The following MBD3L2 variants were observed in gnomAD, a reference collection of about 807,000 sequenced individuals.
MBD3L2 encodes the protein methyl-CpG binding domain protein 3 like 2.
For synonymous variants in MBD3L2, 20 were observed against 33.9 expected (o/e 0.59, Z 1.42); for missense variants, 71 against 84.0 (o/e 0.85, Z 0.60).
At position 7,051,691 on chromosome 19, in the gene MBD3L2, C is replaced by G. The variant is rs1386287743; in HGVS notation, c.*69C>G. On this transcript the variant is annotated 3_prime_UTR_variant, in exon 2 of 2. Transcript: ENST00000381393. ...CTCATTCCTACTCTGAATTGTCACA[C>G]TTTTCCCTTCCCCACCAGTTCTTTA... 3.5e-5 allele frequency: 25 copies of G among 711,606 alleles called. No individual in the cohort carries two copies. The highest frequency in any genetic ancestry group is 5.7e-5 in the Non-Finnish European group (22 of 383,718). The allele number at this position is 711,606 out of a possible 1,614,324, so 44.1% of individuals were successfully genotyped here.
Position 7,051,612 on chromosome 19 carries a change from C to T in MBD3L2, c.617C>T (p.Thr206Ile), listed in dbSNP as rs1237878345. The T allele has an allele frequency of 1.4e-6, 1 of 723,404 alleles. No homozygotes were observed. Among genetic ancestry groups the T allele is most frequent in the African/African-American group, 1.7e-5 (1 of 57,478 alleles). The allele number at this position is 723,404 out of a possible 1,614,324, so 44.8% of individuals were successfully genotyped here. A position where few individuals can be genotyped will look rare whatever the true frequency, so the allele number is the denominator to read the frequency against. Reference sequence around the variant, plus strand: ...CTGGCCAGGCGGGCAGAAATGCTGACAGGTGGATGAAGCTCAGTCTTGGGC... The same window carrying T: ...CTGGCCAGGCGGGCAGAAATGCTGATAGGTGGATGAAGCTCAGTCTTGGGC... The part of the protein sequence containing the change: ...DRLARRAEML[T>I]GG Residue 206 changes from threonine to isoleucine, a missense_variant, in exon 2 of 2, where the codon ACA (threonine) becomes ATA (isoleucine). Physicochemically the swap from Thr to Ile is moderately conservative, Grantham distance 89. Coordinates refer to ENST00000381393, the MANE Select transcript of MBD3L2 (RefSeq NM_144614.4).
chr19:7,051,626 T>G lies in MBD3L2; in HGVS notation c.*4T>G, dbSNP rs62123316. On this transcript the variant is annotated 3_prime_UTR_variant, in exon 2 of 2. Coordinates refer to ENST00000381393, the MANE Select transcript of MBD3L2 (RefSeq NM_144614.4). ...AGAAATGCTGACAGGTGGATGAAGCTCAGTCTTGGGCTTTCGGTCCCTTTC... is the reference window on the plus strand; with the variant it reads ...AGAAATGCTGACAGGTGGATGAAGCGCAGTCTTGGGCTTTCGGTCCCTTTC... 260,886 of 685,338 alleles carry G rather than the reference T, an allele frequency of 0.38. 57,064 individuals carry two copies. The highest frequency in any genetic ancestry group is 0.52 in the East Asian group (18,439 of 35,764). 42.5% of individuals were successfully genotyped at this position (685,338 alleles called of 1,614,324 possible).
rs139047734 is a variant in MBD3L2 at position 7,051,636 on chromosome 19, G to A, written c.*14G>A. 66 of 716,990 alleles carry A rather than the reference G, an allele frequency of 9.2e-5. 3 individuals are homozygous for A. Among genetic ancestry groups the A allele is most frequent in the African/African-American group, 9.1e-4 (52 of 57,048 alleles). 44.4% of individuals were successfully genotyped at this position (716,990 alleles called of 1,614,324 possible). Reference sequence around the variant, plus strand: ...ACAGGTGGATGAAGCTCAGTCTTGGGCTTTCGGTCCCTTTCTTTTAATGCC... The same window carrying A: ...ACAGGTGGATGAAGCTCAGTCTTGGACTTTCGGTCCCTTTCTTTTAATGCC... On this transcript the variant is annotated 3_prime_UTR_variant, in exon 2 of 2. Transcript: ENST00000381393.
At position 7,051,360 on chromosome 19, in the gene MBD3L2, CG is replaced by C. The variant is rs1568396757; in HGVS notation, c.367del (p.Ala123ProfsTer48). On this transcript the variant is annotated frameshift_variant, in exon 2 of 2. Coordinates refer to ENST00000381393, the MANE Select transcript of MBD3L2 (RefSeq NM_144614.4). LOFTEE classifies it low-confidence loss of function (END_TRUNC). Reference protein sequence around the residue: ...ESVLSILAPGTAGESLDRAGA... With the variant: ...ESVLSILAPGXAGESLDRAGA... ...GTCTTAAGTATCCTTGCACCGGGGA[CG>C]GCCGGTGAATCTCTGGACAGAGCTG... The C allele has an allele frequency of 3.2e-6, 2 of 633,278 alleles. No individual in the cohort carries two copies. The highest frequency in any genetic ancestry group is 5.6e-5 in the East Asian group (2 of 35,790). 39.2% of individuals were successfully genotyped at this position (633,278 alleles called of 1,614,324 possible). A position where few individuals can be genotyped will look rare whatever the true frequency, so the allele number is the denominator to read the frequency against.
At position 7,051,685 on chromosome 19, in the gene MBD3L2, G is replaced by A; in HGVS notation, c.*63G>A. ...CCCATCCTCATTCCTACTCTGAATTGTCACACTTTTCCCTTCCCCACCAGT... is the reference window on the plus strand; with the variant it reads ...CCCATCCTCATTCCTACTCTGAATTATCACACTTTTCCCTTCCCCACCAGT... On this transcript the variant is annotated 3_prime_UTR_variant, in exon 2 of 2. Coordinates refer to ENST00000381393, the MANE Select transcript of MBD3L2 (RefSeq NM_144614.4). 2.8e-6 allele frequency: 2 copies of A among 711,682 alleles called. No homozygotes were observed. Among genetic ancestry groups the A allele is most frequent in the South Asian group, 3.0e-5 (2 of 66,756 alleles). The allele number at this position is 711,682 out of a possible 1,614,324, so 44.1% of individuals were successfully genotyped here.
chr19:7,050,242 TTC>T, intron 1 of MBD3L2, among the ~76,000 whole-genome samples: 1 of 143,672 alleles, frequency 7.0e-6, no homozygotes, highest in Non-Finnish European at 1.5e-5. Context: ...GACTAGAGTC[TTC>T]CAATTGATTT....
chr19:7,051,606 T>C lies in MBD3L2; in HGVS notation c.611T>C (p.Met204Thr), dbSNP rs530553629. Reference protein sequence around the residue: ...QADRLARRAEMLTGG With the variant: ...QADRLARRAETLTGG Reference sequence around the variant, plus strand: ...GACAGGCTGGCCAGGCGGGCAGAAATGCTGACAGGTGGATGAAGCTCAGTC... The same window carrying C: ...GACAGGCTGGCCAGGCGGGCAGAAACGCTGACAGGTGGATGAAGCTCAGTC... The change falls in exon 2 of 2, where the codon ATG becomes ACG. Residue 204 changes from methionine to threonine, a missense_variant. Met to Thr is a moderately conservative substitution (Grantham distance 81). Coordinates refer to ENST00000381393, the MANE Select transcript of MBD3L2 (RefSeq NM_144614.4). The C allele has an allele frequency of 1.4e-6, 1 of 723,494 alleles. No homozygotes were observed. The highest frequency in any genetic ancestry group is 1.5e-5 in the South Asian group (1 of 67,782). The allele number at this position is 723,494 out of a possible 1,614,324, so 44.8% of individuals were successfully genotyped here. A position where few individuals can be genotyped will look rare whatever the true frequency, so the allele number is the denominator to read the frequency against.
At chr19:7,049,869 TTC>T (rs1460848457) in intron 1 of MBD3L2, among the ~76,000 whole-genome samples, 1 of 152,310 alleles carries the variant, frequency 6.6e-6, no homozygotes, top group Non-Finnish European at 1.5e-5. Flanking sequence ...TCTTTTCTGT[TTC>T]TCTGTTTCTC....
In MBD3L2 at chr19:7,051,342, G is replaced by C. The variant is rs1274336943; in HGVS notation, c.347G>C (p.Ser116Thr). Residue 116 changes from serine to threonine, a missense_variant, in exon 2 of 2, where the codon AGT (serine) becomes ACT (threonine). Ser to Thr is a moderately conservative substitution (Grantham distance 58). Transcript: ENST00000381393. Reference protein sequence around the residue: ...SSPLHLESVLSILAPGTAGES... With the variant: ...SSPLHLESVLTILAPGTAGES... ...CCACTGCATTTGGAGAGCGTCTTAAGTATCCTTGCACCGGGGACGGCCGGT... is the reference window on the plus strand; with the variant it reads ...CCACTGCATTTGGAGAGCGTCTTAACTATCCTTGCACCGGGGACGGCCGGT... 1.6e-6 allele frequency: 1 copy of C among 613,386 alleles called. No individual in the cohort carries two copies. The highest frequency in any genetic ancestry group is 1.8e-5 in the South Asian group (1 of 54,384). 38.0% of individuals were successfully genotyped at this position (613,386 alleles called of 1,614,324 possible). A position where few individuals can be genotyped will look rare whatever the true frequency, so the allele number is the denominator to read the frequency against.
At chr19:7,049,912 TTC>T (rs1448195078) in intron 1 of MBD3L2, among the ~76,000 whole-genome samples, 1 of 152,308 alleles carries the variant, frequency 6.6e-6, no homozygotes, top group African/African-American at 2.4e-5. Context: ...CTCTCCCTTC[TTC>T]TTCATCATGG....
Position 7,051,487 on chromosome 19 carries a change from C to T in MBD3L2, c.492C>T (p.Pro164=). 2.8e-6 allele frequency: 2 copies of T among 705,764 alleles called. No homozygotes were observed. Among genetic ancestry groups the T allele is most frequent in the Non-Finnish European group, 5.3e-6 (2 of 380,596 alleles). The allele number at this position is 705,764 out of a possible 1,614,324, so 43.7% of individuals were successfully genotyped here. A position where few individuals can be genotyped will look rare whatever the true frequency, so the allele number is the denominator to read the frequency against. ...TPGMGCQLPP[P]LSGQLVTPAD... ...GAATGGGTTGTCAGCTCCCACCGCC[C>T]CTCTCTGGCCAATTGGTGACTCCTG... is the stretch of plus-strand genomic sequence containing the variant. Residue 164 remains proline, a synonymous_variant, in exon 2 of 2, where the codon CCC becomes CCT. Coordinates refer to ENST00000381393, the MANE Select transcript of MBD3L2 (RefSeq NM_144614.4).
At position 7,051,358 on chromosome 19, in the gene MBD3L2, G is replaced by C; in HGVS notation, c.363G>C (p.Gly121=). Residue 121 remains glycine (G), a synonymous_variant, in exon 2 of 2, where the codon GGG becomes GGC. Coordinates refer to ENST00000381393, the MANE Select transcript of MBD3L2 (RefSeq NM_144614.4). ...GCGTCTTAAGTATCCTTGCACCGGG[G>C]ACGGCCGGTGAATCTCTGGACAGAG... ...LESVLSILAP[G]TAGESLDRAG... 1.6e-6 allele frequency: 1 copy of C among 631,894 alleles called. No homozygotes were observed. The highest frequency in any genetic ancestry group is 1.7e-5 in the South Asian group (1 of 57,396). The allele number at this position is 631,894 out of a possible 1,614,324, so 39.1% of individuals were successfully genotyped here.
At position 7,051,666 on chromosome 19, in the gene MBD3L2, C is replaced by T. The variant is rs578139815; in HGVS notation, c.*44C>T. ...CGGTCCCTTTCTTTTAATGCCCATCCTCATTCCTACTCTGAATTGTCACAC... is the reference window on the plus strand; with the variant it reads ...CGGTCCCTTTCTTTTAATGCCCATCTTCATTCCTACTCTGAATTGTCACAC... On this transcript the variant is annotated 3_prime_UTR_variant, in exon 2 of 2. Coordinates refer to ENST00000381393, the MANE Select transcript of MBD3L2 (RefSeq NM_144614.4). The T allele has an allele frequency of 1.7e-5, 12 of 710,718 alleles. No individual in the cohort carries two copies. The highest frequency in any genetic ancestry group is 2.9e-5 in the Non-Finnish European group (11 of 383,454). The allele number at this position is 710,718 out of a possible 1,614,324, so 44.0% of individuals were successfully genotyped here. A position where few individuals can be genotyped will look rare whatever the true frequency, so the allele number is the denominator to read the frequency against.
chr19:7,051,659 G>C lies in MBD3L2; in HGVS notation c.*37G>C, dbSNP rs755444841. 1.4e-6 allele frequency: 1 copy of C among 712,502 alleles called. No individual in the cohort carries two copies. The highest frequency in any genetic ancestry group is 2.6e-6 in the Non-Finnish European group (1 of 383,892). 44.1% of individuals were successfully genotyped at this position (712,502 alleles called of 1,614,324 possible). On this transcript the variant is annotated 3_prime_UTR_variant, in exon 2 of 2. Transcript: ENST00000381393. Reference sequence around the variant, plus strand: ...GGGCTTTCGGTCCCTTTCTTTTAATGCCCATCCTCATTCCTACTCTGAATT... The same window carrying C: ...GGGCTTTCGGTCCCTTTCTTTTAATCCCCATCCTCATTCCTACTCTGAATT...
intron 1 of MBD3L2, among the ~76,000 whole-genome samples, chr19:7,050,036 TG>T (rs1977021745): frequency 3.4e-5 from 5 of 145,686 alleles, no homozygotes; most frequent in Admixed American, 2.8e-4. Context: ...AGTTTACTTC[TG>T]GATCAGGGGT....
At chr19:7,049,794 T>TA (rs199552044) in intron 1 of MBD3L2, among the ~76,000 whole-genome samples, 4,120 of 147,646 alleles carry the variant, frequency 0.028, 16 homozygotes, top group East Asian at 0.12. Flanking sequence ...GTTCTCTGGT[T>TA]AAATATCATG....
Position 7,051,066 on chromosome 19 carries a change from C to A in MBD3L2, c.71C>A (p.Pro24His). 3.2e-6 allele frequency: 1 copy of A among 312,728 alleles called. No homozygotes were observed. The highest frequency in any genetic ancestry group is 5.3e-6 in the Non-Finnish European group (1 of 189,354). 19.4% of individuals were successfully genotyped at this position (312,728 alleles called of 1,614,324 possible). A position where few individuals can be genotyped will look rare whatever the true frequency, so the allele number is the denominator to read the frequency against. Reference protein sequence around the residue: ...VLGKLKRNMMPWALQKKREIH... With the variant: ...VLGKLKRNMMHWALQKKREIH... ...GGGAAGCTCAAAAGGAACATGATGC[C>A]CTGGGCTTTACAGAAGAAACGAGAA... The change falls in exon 2 of 2, where the codon CCC (proline) becomes CAC (histidine). Residue 24 changes from proline to histidine, a missense_variant. By Grantham distance (77) the Pro-to-His change is moderately conservative. Transcript: ENST00000381393.
At position 7,051,290 on chromosome 19, in the gene MBD3L2, T is replaced by C; in HGVS notation, c.295T>C (p.Cys99Arg). ...CCGGAGACTGCAGGCCCTGCAGCCC[T>C]GCAGCAGCCAAGGAGAAGGTTCAAG... Reference protein sequence around the residue: ...AYRRLQALQPCSSQGEGSSPL... With the variant: ...AYRRLQALQPRSSQGEGSSPL... Residue 99 changes from cysteine to arginine, a missense_variant, in exon 2 of 2, where the codon TGC becomes CGC. Transcript: ENST00000381393. 2 of 536,502 alleles carry C rather than the reference T, an allele frequency of 3.7e-6. No individual in the cohort carries two copies. The highest frequency in any genetic ancestry group is 4.1e-5 in the South Asian group (2 of 48,444). 33.2% of individuals were successfully genotyped at this position (536,502 alleles called of 1,614,324 possible).
At position 7,051,634 on chromosome 19, in the gene MBD3L2, G is replaced by C; in HGVS notation, c.*12G>C. 1.4e-6 allele frequency: 1 copy of C among 717,248 alleles called. No homozygotes were observed. The highest frequency in any genetic ancestry group is 2.6e-6 in the Non-Finnish European group (1 of 385,736). The allele number at this position is 717,248 out of a possible 1,614,324, so 44.4% of individuals were successfully genotyped here. A position where few individuals can be genotyped will look rare whatever the true frequency, so the allele number is the denominator to read the frequency against. ...TGACAGGTGGATGAAGCTCAGTCTT[G>C]GGCTTTCGGTCCCTTTCTTTTAATG... On this transcript the variant is annotated 3_prime_UTR_variant, in exon 2 of 2. Transcript: ENST00000381393.
Sources: gnomAD v4.1 joint callset for allele counts (sites outside exome capture counted in the v4.1 genomes callset) on GRCh38, gnomAD v4.1.1 for gene constraint, MANE v1.5 for transcripts, NCBI Gene and HGNC (gene_info 2026-07-23, HGNC 2026-07-21) for gene names.